DMD: variants seen among roughly 807,000 people sequenced by gnomAD.
DMD encodes the protein mutant dystrophin.
DMD carries 63 observed loss-of-function variants against 330.1 expected under a neutral mutation model. That is an observed-to-expected ratio of 0.19 (90% CI 0.16 to 0.24). DMD has a LOEUF of 0.24. Among genes scored for constraint, DMD ranks in the 10% least tolerant of loss-of-function variants. The pLI, the probability that DMD is intolerant of heterozygous loss-of-function variation, is 1.00. For synonymous variants in DMD, 1,223 were observed against 959.8 expected, an observed-to-expected ratio of 1.27 and a Z score of -5.07; for missense variants, 3,344 against 2,684.1, an observed-to-expected ratio of 1.25 and a Z score of -5.43.
rs1464666319 is a variant in DMD, at chrX:32,535,697, C to A, written c.2168+9462G>T. Among the ~76,000 whole-genome samples, 3 of 111,537 alleles carry A rather than the reference C, an allele frequency of 2.7e-5. No homozygotes were observed. In the East Asian group the frequency reaches 8.5e-4, roughly 31 times the overall value. ...GCGCTGCGTCTCAGTTTTCTACTAC[C>A]TGCTTAGCCAATTCCTTATATTACG... On this transcript the variant is annotated intron_variant, in intron 17 of 78. Transcript: ENST00000357033.
At chrX:31,563,416 G>T (rs181047219) in intron 55 of DMD, among the ~76,000 whole-genome samples, 96 of 112,166 alleles carry the variant, frequency 8.6e-4, no homozygotes, top group African/African-American at 3.0e-3. Context: ...TGATCTACTT[G>T]TCTTGTTTTG....
At chrX:32,382,428 C>T (rs1189110865) in intron 33 of DMD, among the ~76,000 whole-genome samples, 1 of 110,867 alleles carries the variant, frequency 9.0e-6, no homozygotes, top group African/African-American at 3.3e-5. Context: ...GCAAGAAAAA[C>T]ACAAAAGATA....
At chrX:32,147,003 T>C (rs1049249424) in intron 44 of DMD, among the ~76,000 whole-genome samples, 1 of 112,309 alleles carries the variant, frequency 8.9e-6, no homozygotes, top group Non-Finnish European at 1.9e-5. Context: ...ATGGTACCTA[T>C]ACCTCTAGAG....
At chrX:32,150,717 C>G (rs1449688412) in intron 44 of DMD, among the ~76,000 whole-genome samples, 1 of 111,691 alleles carries the variant, frequency 9.0e-6, no homozygotes, top group Non-Finnish European at 1.9e-5. Flanking sequence ...ATATTTCTTT[C>G]ATGATCCTCC....
intron 2 of DMD, among the ~76,000 whole-genome samples, chrX:32,867,056 T>G (rs2082571456): frequency 9.0e-6 from 1 of 111,422 alleles, no homozygotes; most frequent in Non-Finnish European, 1.9e-5. Context: ...TTTCTAAAGC[T>G]ACCTTTCGTA....
chrX:31,163,034 C>A (rs1038342155), intron 74 of DMD, among the ~76,000 whole-genome samples: 2 of 111,821 alleles, frequency 1.8e-5, no homozygotes, highest in African/African-American at 6.5e-5. Flanking sequence ...TTCATCCTTG[C>A]CATAAAAGGT....
chrX:31,569,647 TAC>T (rs2075686876), intron 55 of DMD, among the ~76,000 whole-genome samples: 1 of 89,365 alleles, frequency 1.1e-5, no homozygotes, highest in African/African-American at 4.2e-5. Flanking sequence ...TATATGTATA[TAC>T]GTATATATAC....
At chrX:32,880,720 A>C (rs1289438572) in intron 2 of DMD, among the ~76,000 whole-genome samples, 1 of 112,219 alleles carries the variant, frequency 8.9e-6, no homozygotes, top group Non-Finnish European at 1.9e-5. Flanking sequence ...CGAGGTGGGA[A>C]GACCACCTGA....
chrX:32,134,581 A>G (rs776936011), intron 44 of DMD, among the ~76,000 whole-genome samples: 253 of 111,458 alleles, frequency 2.3e-3, no homozygotes, highest in Middle Eastern at 4.7e-3. Context: ...GGTTTTCACA[A>G]TTCTAAAAAA....
At chrX:31,790,555 G>A (rs749646521) in intron 50 of DMD, among the ~76,000 whole-genome samples, 1 of 111,785 alleles carries the variant, frequency 8.9e-6, no homozygotes, top group South Asian at 3.7e-4. Context: ...AGTAACTTGT[G>A]AAGATCTTCA....
chrX:32,437,162 A>G (rs1478148146), intron 29 of DMD, among the ~76,000 whole-genome samples: 1 of 112,029 alleles, frequency 8.9e-6, no homozygotes, highest in Non-Finnish European at 1.9e-5. Context: ...AGATCCAGCA[A>G]TAGTGCAACA....
At chrX:33,079,645 A>T (rs2094897210) in intron 1 of DMD, among the ~76,000 whole-genome samples, 4 of 111,584 alleles carry the variant, frequency 3.6e-5, no homozygotes. Flanking sequence ...ACTTTAGAGG[A>T]CCTAATATCT....
chrX:32,575,189 C>A (rs769430535), intron 13 of DMD, among the ~76,000 whole-genome samples: 1 of 111,589 alleles, frequency 9.0e-6, no homozygotes, highest in Non-Finnish European at 1.9e-5. Context: ...TGAGCCACTG[C>A]ACCTGGCCCT....
chrX:32,595,815 A>G lies in DMD; in HGVS notation c.1544T>C (p.Val515Ala), dbSNP rs775771390. The change falls in exon 13 of 79, where the codon GTG (valine) becomes GCG (alanine). Residue 515 changes from valine (V) to alanine (A), a missense_variant. Physicochemically the swap from Val to Ala is moderately conservative, Grantham distance 64. Transcript: ENST00000357033. ...VRVNSLTHMV[V>A]VVDESSGDHA... ...ATCTCCACTAGATTCATCAACTACC[A>G]CCACCATGTGAGTGAGAGAATTGAC... The G allele has an allele frequency of 8.3e-7, 1 of 1,205,352 alleles. No homozygotes were observed.
intron 51 of DMD, among the ~76,000 whole-genome samples, chrX:31,740,655 A>T (rs1285098645): frequency 9.0e-6 from 1 of 111,600 alleles, no homozygotes; most frequent in Non-Finnish European, 1.9e-5. Context: ...CATTACTCCT[A>T]AAAAAAATGG....
chrX:33,028,251 G>T (rs1042151834), intron 1 of DMD, among the ~76,000 whole-genome samples: 2 of 111,726 alleles, frequency 1.8e-5, no homozygotes, highest in East Asian at 5.6e-4. Flanking sequence ...GTATTGGTAA[G>T]TACTAATTAT....
intron 17 of DMD, among the ~76,000 whole-genome samples, chrX:32,536,295 A>C (rs765174606): frequency 6.4e-4 from 69 of 108,111 alleles, no homozygotes; most frequent in African/African-American, 2.2e-3. Context: ...AAAACACACA[A>C]ATGGCTGAGA....
intron 61 of DMD, among the ~76,000 whole-genome samples, chrX:31,333,174 T>C (rs1161059784): frequency 1.8e-5 from 2 of 112,195 alleles, no homozygotes; most frequent in East Asian, 5.5e-4. Flanking sequence ...CATTATATAC[T>C]ATATTAGTAT....
intron 2 of DMD, among the ~76,000 whole-genome samples, chrX:33,002,237 G>GGCACT (rs1477061083): frequency 9.0e-6 from 1 of 111,074 alleles, no homozygotes; most frequent in East Asian, 2.8e-4. Context: ...GTCACTAGTG[G>GGCACT]AGGGTGCCCA....
Sources: gnomAD v4.1 joint callset for allele counts (sites outside exome capture counted in the v4.1 genomes callset) on GRCh38, gnomAD v4.1.1 for gene constraint, MANE v1.5 for transcripts, NCBI Gene and HGNC (gene_info 2026-07-23, HGNC 2026-07-21) for gene names.